TRPS1: variants seen among roughly 807,000 people sequenced by gnomAD.
TRPS1 encodes zinc finger transcription factor Trps1.
A neutral mutation model predicts 101.2 loss-of-function variants in TRPS1; 6 were observed. The ratio of observed to expected loss-of-function variants is 0.06; its 90% confidence interval spans 0.03 to 0.12. The LOEUF is 0.12. TRPS1 is among the 10% of genes least tolerant of loss of function. The pLI, the probability that TRPS1 is intolerant of heterozygous loss-of-function variation, is 1.00. For synonymous variants in TRPS1, 578 were observed against 589.8 expected (o/e 0.98, Z 0.29); for missense variants, 1,363 against 1,567.0 (o/e 0.87, Z 2.20).
chr8:115,565,901 A>G (rs1817056632), intron 5 of TRPS1, among the ~76,000 whole-genome samples: 1 of 152,142 alleles, frequency 6.6e-6, no homozygotes, highest in Non-Finnish European at 1.5e-5. Flanking sequence ...TTATCACACC[A>G]AATTAAAAGG....
intron 5 of TRPS1, among the ~76,000 whole-genome samples, chr8:115,497,971 G>A (rs901017911): frequency 6.6e-6 from 1 of 152,096 alleles, no homozygotes; most frequent in African/African-American, 2.4e-5. Context: ...GTCAAATGAC[G>A]AGGAAGATTA....
intron 5 of TRPS1, among the ~76,000 whole-genome samples, chr8:115,542,213 T>A (rs897156925): frequency 6.6e-6 from 1 of 152,198 alleles, no homozygotes; most frequent in African/African-American, 2.4e-5. Flanking sequence ...TACACATCAG[T>A]CAGCATGACA....
chr8:115,577,119 T>C (rs537520521), intron 5 of TRPS1, among the ~76,000 whole-genome samples: 2 of 152,258 alleles, frequency 1.3e-5, no homozygotes, highest in East Asian at 3.9e-4. Context: ...CAAATATACT[T>C]CTAAAATGTT....
At chr8:115,623,118 CCTT>C (rs909244582) in intron 2 of TRPS1, among the ~76,000 whole-genome samples, 1 of 151,944 alleles carries the variant, frequency 6.6e-6, no homozygotes, top group African/African-American at 2.4e-5. Flanking sequence ...AATTTCAGTT[CCTT>C]CTTCTACCCA....
At chr8:115,503,259 CAA>C (rs3069083) in intron 5 of TRPS1, among the ~76,000 whole-genome samples, 1 of 128,804 alleles carries the variant, frequency 7.8e-6, no homozygotes, top group Non-Finnish European at 1.6e-5. Flanking sequence ...GACTCTGTCT[CAA>C]AAAAAAAAAA....
intron 5 of TRPS1, among the ~76,000 whole-genome samples, chr8:115,491,208 G>A (rs541689282): frequency 6.6e-6 from 1 of 152,298 alleles, no homozygotes; most frequent in African/African-American, 2.4e-5. Flanking sequence ...TATTACGTTT[G>A]AGGAGACCTT....
chr8:115,607,268 T>A (rs1484696951), intron 3 of TRPS1, among the ~76,000 whole-genome samples: 1 of 151,944 alleles, frequency 6.6e-6, no homozygotes, highest in East Asian at 1.9e-4. Context: ...ACCTAAGAAG[T>A]CAGAAAACCC....
At chr8:115,443,473 A>T (rs1813658481) in intron 5 of TRPS1, among the ~76,000 whole-genome samples, 1 of 152,182 alleles carries the variant, frequency 6.6e-6, no homozygotes. Context: ...CTCGGTTCTC[A>T]TCAGCATTAA....
chr8:115,555,677 A>G (rs1202162734), intron 5 of TRPS1, among the ~76,000 whole-genome samples: 1 of 152,078 alleles, frequency 6.6e-6, no homozygotes, highest in African/African-American at 2.4e-5. Flanking sequence ...CTCAAATAGC[A>G]CTTTCTGCTA....
intron 5 of TRPS1, among the ~76,000 whole-genome samples, chr8:115,567,187 C>G (rs1354159303): frequency 6.6e-6 from 1 of 152,090 alleles, no homozygotes; most frequent in Admixed American, 6.6e-5. Flanking sequence ...TAAAAAGATT[C>G]ACCACATGTT....
In TRPS1 at chr8:115,414,132, C is replaced by A; in HGVS notation, c.3776G>T (p.Ser1259Ile). 6.2e-7 allele frequency: 1 copy of A among 1,613,962 alleles called. No homozygotes were observed. The highest frequency in any genetic ancestry group is 1.1e-5 in the South Asian group (1 of 91,078). Residue 1259 changes from serine to isoleucine, a missense_variant, in exon 7 of 7, where the codon AGC becomes ATC. Ser to Ile is a moderately radical substitution (Grantham distance 142). Around this residue, in one of 5 missense-constraint regions of TRPS1, gnomAD observed 307 missense variants for 392.4 expected, o/e 0.78. Transcript: ENST00000395715. This position sits in a 1 kb window ranked among gnomAD's most constrained non-coding sequence, Gnocchi z 4.8. The stretch of plus-strand genomic sequence containing the variant: ...GTCCGTGCAAAGATGCTGGCATATG[C>A]TGCACTGGAAAGGTCCACTGTCACC... ...CHGDSGPFQC[S>I]ICQHLCTDKY...
At chr8:115,463,824 A>G (rs1052029607) in intron 5 of TRPS1, among the ~76,000 whole-genome samples, 1 of 151,962 alleles carries the variant, frequency 6.6e-6, no homozygotes, top group African/African-American at 2.4e-5. Context: ...TCCTTAGTAG[A>G]AATGTAGTGT....
chr8:115,414,826 A>C lies in TRPS1; in HGVS notation c.3082T>G (p.Ser1028Ala). ...EAQGSLTKSH[S>A]AQQPVLVSQT... ...CTGACCAGGACTGGCTGCTGAGCAG[A>C]ATGGCTTTTAGTCAATGAACCCTGG... Residue 1028 changes from serine to alanine, a missense_variant, in exon 7 of 7, where the codon TCT (serine) becomes GCT (alanine). Coordinates refer to ENST00000395715, the MANE Select transcript of TRPS1 (RefSeq NM_014112.5). The surrounding 1 kb of genome is among the most constrained non-coding windows in gnomAD (Gnocchi z 4.8). The C allele has an allele frequency of 6.2e-7, 1 of 1,614,006 alleles. No individual in the cohort carries two copies. The highest frequency in any genetic ancestry group is 8.5e-7 in the Non-Finnish European group (1 of 1,179,936).
chr8:115,547,440 T>C (rs1816602004), intron 5 of TRPS1, among the ~76,000 whole-genome samples: 1 of 152,218 alleles, frequency 6.6e-6, no homozygotes, highest in African/African-American at 2.4e-5. Context: ...GGGTTTAAGC[T>C]TGTGGCTGTA....
chr8:115,645,287 A>G (rs1818999118), intron 1 of TRPS1, among the ~76,000 whole-genome samples: 1 of 152,126 alleles, frequency 6.6e-6, no homozygotes, highest in South Asian at 2.1e-4. Context: ...ACCCAGAATC[A>G]CTCTGCTCTA....
chr8:115,660,323 T>G (rs566674336), intron 1 of TRPS1, among the ~76,000 whole-genome samples: 2 of 152,146 alleles, frequency 1.3e-5, no homozygotes, highest in African/African-American at 4.8e-5. Flanking sequence ...AAAACAGCTC[T>G]GAAATCCTTT....
chr8:115,416,915 A>G (rs1032429234), intron 6 of TRPS1, among the ~76,000 whole-genome samples: 2 of 152,182 alleles, frequency 1.3e-5, no homozygotes, highest in Admixed American at 6.5e-5. Flanking sequence ...AAGAACCTGA[A>G]ATTTGCATAA....
chr8:115,640,472 A>C (rs1230789575), intron 1 of TRPS1, among the ~76,000 whole-genome samples: 1 of 152,242 alleles, frequency 6.6e-6, no homozygotes, highest in Non-Finnish European at 1.5e-5. Context: ...AATGATGTGC[A>C]TGGAGTTTTA....
chr8:115,454,842 T>C (rs971301485), intron 5 of TRPS1, among the ~76,000 whole-genome samples: 2 of 152,196 alleles, frequency 1.3e-5, no homozygotes, highest in Non-Finnish European at 2.9e-5. Flanking sequence ...TGTAAACTTT[T>C]AAAATGTATT....
Sources: allele counts gnomAD v4.1 joint callset (sites outside exome capture counted in the v4.1 genomes callset), GRCh38; gene constraint gnomAD v4.1.1; regional missense constraint gnomAD v4.1.1; non-coding constraint Gnocchi (gnomAD v3.1); transcripts MANE v1.5; gene names NCBI Gene and HGNC (gene_info 2026-07-23, HGNC 2026-07-21).